LRRC9: variants seen among roughly 807,000 people sequenced by gnomAD.
The protein encoded by LRRC9 is leucine rich repeat containing 9, also known as leucine-rich repeat-containing protein 9.
LRRC9 carries 122 observed loss-of-function variants against 63.2 expected under a neutral mutation model. That is an observed-to-expected ratio of 1.93 (90% CI 1.67 to 2.24). The LOEUF is 2.24. Among genes scored for constraint, LRRC9 ranks in the 30% most tolerant of loss-of-function variants. LRRC9 has a pLI of 0.00. For missense variants in LRRC9, 1,071 were observed against 627.7 expected, an observed-to-expected ratio of 1.71 and a Z score of -7.55; for synonymous variants, 366 against 213.1, an observed-to-expected ratio of 1.72 and a Z score of -6.25.
chr14:59,954,921 G>A (rs962510840), intron 8 of LRRC9, among the ~76,000 whole-genome samples: 3 of 152,148 alleles, frequency 2.0e-5, no homozygotes, highest in African/African-American at 4.8e-5. Flanking sequence ...TTTGTCATTG[G>A]TTATGTTTAT....
chr14:59,954,284 C>A (rs1417429776), intron 8 of LRRC9, among the ~76,000 whole-genome samples: 6 of 152,176 alleles, frequency 3.9e-5, no homozygotes, highest in Non-Finnish European at 2.9e-5. Context: ...TTGATTCTTC[C>A]TATCCATGAG....
In LRRC9 at chr14:59,931,620, G is replaced by T. The variant is rs1229710331; in HGVS notation, c.410G>T (p.Gly137Val). 2.9e-5 allele frequency: 20 copies of T among 698,238 alleles called. No homozygotes were observed. In the East Asian group the frequency reaches 5.4e-4, roughly 19 times the overall value. The allele number at this position is 698,238 out of a possible 1,614,324, so 43.3% of individuals were successfully genotyped here. The change falls in exon 5 of 32, where the codon GGT (glycine) becomes GTT (valine). Residue 137 changes from glycine (G) to valine (V), a missense_variant and splice_region_variant. Gly to Val is a moderately radical substitution (Grantham distance 109, BLOSUM62 -3). Transcript: ENST00000445360. Reference sequence around the variant, plus strand: ...ATAATATGTTGTCTAAATTTTTAGGGTTTGCAAACTTTGAAGAATTTAAAA... The same window carrying T: ...ATAATATGTTGTCTAAATTTTTAGGTTTTGCAAACTTTGAAGAATTTAAAA...
chr14:59,928,555 C>A, intron 3 of LRRC9, 69 bp downstream of exon 3: 1 of 520,158 alleles, frequency 1.9e-6, no homozygotes, highest in Non-Finnish European at 3.3e-6. Flanking sequence ...AAAAATAATT[C>A]ATTGAAATAT....
intron 30 of LRRC9, among the ~76,000 whole-genome samples, chr14:60,055,859 C>T (rs376427516): frequency 3.0e-4 from 45 of 150,268 alleles, no homozygotes; most frequent in African/African-American, 1.0e-3. Flanking sequence ...GAGCCAAGAT[C>T]GTGCCAATGC....
intron 22 of LRRC9, among the ~76,000 whole-genome samples, chr14:60,007,823 T>C (rs1160123992): frequency 2.0e-5 from 3 of 151,770 alleles, no homozygotes; most frequent in African/African-American, 7.3e-5. Context: ...GTCTATAATT[T>C]CAGCACTTTG....
rs1478406718 is a variant in LRRC9 at position 59,923,841 on chromosome 14, T to C, written c.-34+3958T>C. Among the ~76,000 whole-genome samples the C allele has an allele frequency of 6.6e-6, 1 of 152,224 alleles. No individual in the cohort carries two copies. Among genetic ancestry groups the C allele is most frequent in the Non-Finnish European group, 1.5e-5 (1 of 68,040 alleles). ...CTATAGTTCCAGCGACTCCGAAGGC[T>C]GAGGCAGGAGTATGGCGTGAACCCG... On this transcript the variant is annotated intron_variant, in intron 1 of 31. Transcript: ENST00000445360. The surrounding 1 kb of genome is among the most constrained non-coding windows in gnomAD (Gnocchi z 4.2).
At chr14:60,048,540 A>G (rs534398558) in intron 29 of LRRC9, among the ~76,000 whole-genome samples, 1 of 152,306 alleles carries the variant, frequency 6.6e-6, no homozygotes, top group East Asian at 1.9e-4. Flanking sequence ...GAAAATCTAG[A>G]AGAAATGGAT....
At chr14:59,998,745 T>C (rs1889057828) in intron 18 of LRRC9, among the ~76,000 whole-genome samples, 1 of 152,060 alleles carries the variant, frequency 6.6e-6, no homozygotes, top group African/African-American at 2.4e-5. Flanking sequence ...CCAAATTGGA[T>C]TGTCAAGGGC....
chr14:59,984,117 A>T (rs1371368115), intron 16 of LRRC9, among the ~76,000 whole-genome samples: 1 of 152,248 alleles, frequency 6.6e-6, no homozygotes, highest in Non-Finnish European at 1.5e-5. Flanking sequence ...GAAGCTCTTT[A>T]TCAGACACAT....
chr14:59,999,253 T>C, intron 19 of LRRC9, 27 bp downstream of exon 19: 1 of 694,426 alleles, frequency 1.4e-6, no homozygotes, highest in East Asian at 2.7e-5. Context: ...TACTATTCAT[T>C]GTGCTATTTA....
chr14:59,952,222 G>A (rs894470867), intron 8 of LRRC9, among the ~76,000 whole-genome samples: 1 of 151,958 alleles, frequency 6.6e-6, no homozygotes, highest in South Asian at 2.1e-4. Flanking sequence ...TTTTAAGCCG[G>A]TCTGAAAAGC....
chr14:60,053,038 T>A lies in LRRC9; in HGVS notation c.3991-27T>A. 2.9e-6 allele frequency: 2 copies of A among 686,830 alleles called. No homozygotes were observed. Among genetic ancestry groups the A allele is most frequent in the Non-Finnish European group, 2.7e-6 (1 of 376,752 alleles). 42.5% of individuals were successfully genotyped at this position (686,830 alleles called of 1,614,324 possible). A position where few individuals can be genotyped will look rare whatever the true frequency, so the allele number is the denominator to read the frequency against. On this transcript the variant is annotated intron_variant, in intron 29 of 31. Coordinates refer to ENST00000445360, the Ensembl canonical transcript of LRRC9. This position sits in a 1 kb window ranked among gnomAD's most constrained non-coding sequence, Gnocchi z 4.8. ...CTTTGAAATAAAAGTTTTGTAGGAATAAATTGTTATTTTTAACTTTATTCA... is the reference window on the plus strand; with the variant it reads ...CTTTGAAATAAAAGTTTTGTAGGAAAAAATTGTTATTTTTAACTTTATTCA...
rs1889558114 is a variant in LRRC9, at chr14:60,003,464, G to A, written c.2665-157G>A. Among the ~76,000 whole-genome samples the A allele has an allele frequency of 6.6e-6, 1 of 152,168 alleles. No individual in the cohort carries two copies. Among genetic ancestry groups the A allele is most frequent in the Admixed American group, 6.5e-5 (1 of 15,276 alleles). ...TAATCTCGTCAAATTTTACTTTTCT[G>A]TAAACTGACAGCTTCACAATATCTT... On this transcript the variant is annotated intron_variant, in intron 20 of 31. Coordinates refer to ENST00000445360, the Ensembl canonical transcript of LRRC9. This position sits in a 1 kb window ranked among gnomAD's most constrained non-coding sequence, Gnocchi z 4.2.
intron 15 of LRRC9, among the ~76,000 whole-genome samples, chr14:59,980,778 A>G (rs762920217): frequency 1.3e-5 from 2 of 152,236 alleles, no homozygotes; most frequent in East Asian, 3.8e-4. Flanking sequence ...AGCAAAAGAT[A>G]CAGAAACCCA....
In LRRC9 at chr14:59,958,499, C is replaced by T. The variant is rs532900819; in HGVS notation, c.883-1319C>T. On this transcript the variant is annotated intron_variant, in intron 8 of 31. Transcript: ENST00000445360. The surrounding 1 kb of genome is among the most constrained non-coding windows in gnomAD (Gnocchi z 4.0). ...CCAACCAAGCTCAATCGACCCAGGT[C>T]GACTTCAGACTGCTGTGCTGGCAGC... Among the ~76,000 whole-genome samples, 10 of 152,322 alleles carry T rather than the reference C, an allele frequency of 6.6e-5. No individual in the cohort carries two copies. The highest frequency in any genetic ancestry group is 1.9e-4 in the African/African-American group (8 of 41,578).
At position 60,060,784 on chromosome 14, in the gene LRRC9, T is replaced by C. The variant is rs1271986286; in HGVS notation, c.4277-2539T>C. On this transcript the variant is annotated intron_variant, in intron 31 of 31. Transcript: ENST00000445360. The surrounding 1 kb of genome is among the most constrained non-coding windows in gnomAD (Gnocchi z 4.0). ...AAATTAGTGATTCCTCTGAGGGATA[T>C]GGGCAAAGTAAATTGAAGACCTTCT... Among the ~76,000 whole-genome samples the C allele has an allele frequency of 1.3e-5, 2 of 152,082 alleles. No homozygotes were observed. The highest frequency in any genetic ancestry group is 4.8e-5 in the African/African-American group (2 of 41,422).
chr14:59,924,517 T>C (rs1275661116), intron 1 of LRRC9, among the ~76,000 whole-genome samples: 1 of 152,080 alleles, frequency 6.6e-6, no homozygotes, highest in Non-Finnish European at 1.5e-5. Context: ...CTAACCACTG[T>C]CTCCACTGCC....
chr14:59,955,350 C>T (rs918018034), intron 8 of LRRC9, among the ~76,000 whole-genome samples: 1 of 152,132 alleles, frequency 6.6e-6, no homozygotes, highest in Non-Finnish European at 1.5e-5. Context: ...ATGGATTCAA[C>T]TTCTTTCTGG....
chr14:60,063,993 G>A (rs375319388), downstream of LRRC9, among the ~76,000 whole-genome samples: 10 of 152,214 alleles, frequency 6.6e-5, no homozygotes, highest in African/African-American at 1.9e-4. Flanking sequence ...TCTAAATGTG[G>A]CTAACCGTGG....
Sources: gnomAD v4.1 joint callset for allele counts (sites outside exome capture counted in the v4.1 genomes callset) on GRCh38, gnomAD v4.1.1 for gene constraint, Gnocchi (gnomAD v3.1) non-coding constraint, MANE v1.5 for transcripts, NCBI Gene and HGNC (gene_info 2026-07-23, HGNC 2026-07-21) for gene names.